The following ROBO2 variants were observed in gnomAD, a reference collection of about 807,000 sequenced individuals.
ROBO2 encodes the protein roundabout guidance receptor 2.
Under a neutral mutation model 160.8 loss-of-function variants are expected in ROBO2, and 53 were observed. The ratio of observed to expected loss-of-function variants is 0.33; its 90% CI spans 0.26 to 0.41. The LOEUF is 0.41. ROBO2 is among the 10% of genes least tolerant of loss of function. The pLI is 1.00. For missense variants in ROBO2, 1,577 were observed against 1,722.4 expected, an observed-to-expected ratio of 0.92 and a Z score of 1.49; for synonymous variants, 664 against 611.7, an observed-to-expected ratio of 1.09 and a Z score of -1.26.
intron 2 of ROBO2, among the ~76,000 whole-genome samples, chr3:76,946,296 T>G (rs1053380273): frequency 2.0e-5 from 3 of 152,154 alleles, no homozygotes; most frequent in Admixed American, 2.0e-4. Context: ...TTTAATCCAT[T>G]TAGGTGGTTC....
chr3:76,260,884 A>G (rs181509461), intron 2 of ROBO2, among the ~76,000 whole-genome samples: 38 of 152,234 alleles, frequency 2.5e-4, no homozygotes, highest in African/African-American at 8.9e-4. Flanking sequence ...CACTAGAAAG[A>G]ATCTCATACT....
intron 2 of ROBO2, among the ~76,000 whole-genome samples, chr3:77,404,294 C>T (rs2076080664): frequency 6.6e-6 from 1 of 152,132 alleles, no homozygotes; most frequent in Non-Finnish European, 1.5e-5. Context: ...GCAAAATCAT[C>T]TCTTAGTTGT....
intron 2 of ROBO2, among the ~76,000 whole-genome samples, chr3:76,269,588 A>G (rs1576185663): frequency 7.1e-5 from 2 of 28,230 alleles, no homozygotes; most frequent in Non-Finnish European, 1.2e-4. Context: ...TGGTTAAATG[A>G]AAAAAAAAAA....
At chr3:76,998,627 G>T (rs1446145106) in intron 2 of ROBO2, among the ~76,000 whole-genome samples, 1 of 152,126 alleles carries the variant, frequency 6.6e-6, no homozygotes, top group Non-Finnish European at 1.5e-5. Context: ...AAACAAAATG[G>T]TATTTCCTTT....
intron 1 of ROBO2, among the ~76,000 whole-genome samples, chr3:75,912,125 G>C (rs1946622998): frequency 6.6e-6 from 1 of 152,082 alleles, no homozygotes; most frequent in African/African-American, 2.4e-5. Context: ...AATCATTAAA[G>C]TATAGAAAAC....
intron 1 of ROBO2, among the ~76,000 whole-genome samples, chr3:77,078,925 T>C (rs1185678513): frequency 6.6e-6 from 1 of 152,158 alleles, no homozygotes; most frequent in African/African-American, 2.4e-5. Flanking sequence ...AAATAGGTTC[T>C]ATATTTAATT....
At chr3:75,921,495 T>G (rs1947050064) in intron 1 of ROBO2, among the ~76,000 whole-genome samples, 1 of 152,146 alleles carries the variant, frequency 6.6e-6, no homozygotes, top group African/African-American at 2.4e-5. Flanking sequence ...CACACACAGT[T>G]TTCTATTTGT....
chr3:77,474,022 A>G (rs569402584), intron 2 of ROBO2, among the ~76,000 whole-genome samples: 1 of 152,064 alleles, frequency 6.6e-6, no homozygotes, highest in Non-Finnish European at 1.5e-5. Flanking sequence ...GGACCTACCA[A>G]AGAAGAAAAC....
intron 2 of ROBO2, among the ~76,000 whole-genome samples, chr3:76,830,811 TAAA>T (rs10666160): frequency 7.5e-6 from 1 of 132,554 alleles, no homozygotes; most frequent in Non-Finnish European, 1.6e-5. Flanking sequence ...ACCTCATTTC[TAAA>T]AAAAAAAAAA....
rs5850251 is a variant in ROBO2, at chr3:76,340,085, C to CAAA, written c.109+402493_109+402495dup. 8.9e-3 allele frequency among the ~76,000 whole-genome samples: 1,283 copies of CAAA among 144,420 alleles called. 13 individuals carry two copies. Among genetic ancestry groups the CAAA allele is most frequent in the Middle Eastern group, 0.021 (6 of 282 alleles). The allele number at this position is 144,420 out of a possible 152,430, so 94.7% of individuals were successfully genotyped here. A position where few individuals can be genotyped will look rare whatever the true frequency, so the allele number is the denominator to read the frequency against. On this transcript the variant is annotated intron_variant, in intron 2 of 26. Transcript: ENST00000487694. ...AATCCTAACAAAAATGAACCAATTG[C>CAAA]AAAAAAAAAAAACTTAGAAAATTAA...
chr3:77,546,234 C>T (rs1192696763), intron 6 of ROBO2, 104 bp from the exon 8 acceptor site: 2 of 1,224,790 alleles, frequency 1.6e-6, no homozygotes, highest in East Asian at 4.7e-5. Context: ...ACTGTAGTCT[C>T]TCTCTGGCAC....
chr3:76,566,731 A>C (rs948995437), intron 2 of ROBO2, among the ~76,000 whole-genome samples: 2 of 152,128 alleles, frequency 1.3e-5, no homozygotes, highest in African/African-American at 4.8e-5. Context: ...AGAAGGGTGG[A>C]GAGGAAGAGA....
chr3:76,458,935 A>G (rs554386571), intron 2 of ROBO2, among the ~76,000 whole-genome samples: 60 of 152,296 alleles, frequency 3.9e-4, no homozygotes, highest in African/African-American at 1.3e-3. Flanking sequence ...ATACAATTCA[A>G]GTTTAGGTTT....
At chr3:76,747,383 T>G (rs2108157065) in intron 2 of ROBO2, among the ~76,000 whole-genome samples, 1 of 152,242 alleles carries the variant, frequency 6.6e-6, no homozygotes, top group East Asian at 1.9e-4. Flanking sequence ...TATACTTATC[T>G]TTCATAGAAT....
At chr3:76,382,476 A>G (rs1376818456) in intron 2 of ROBO2, among the ~76,000 whole-genome samples, 2 of 152,230 alleles carry the variant, frequency 1.3e-5, no homozygotes, top group Middle Eastern at 3.4e-3. Flanking sequence ...AGTCCCAGCT[A>G]CTCGGGAGGC....
intron 2 of ROBO2, among the ~76,000 whole-genome samples, chr3:77,418,716 T>C (rs62249798): frequency 0.077 from 11,689 of 152,094 alleles, 531 homozygotes; most frequent in African/African-American, 0.099. Context: ...AGTAATATGA[T>C]GGAGAGAGAC....
At chr3:77,326,794 G>GAACT (rs1328931448) in intron 2 of ROBO2, among the ~76,000 whole-genome samples, 4 of 152,202 alleles carry the variant, frequency 2.6e-5, no homozygotes, top group Non-Finnish European at 4.4e-5. Context: ...TCAGGGATAA[G>GAACT]AACTAACACA....
chr3:75,965,658 A>G (rs1392652471), intron 2 of ROBO2, among the ~76,000 whole-genome samples: 2 of 22,568 alleles, frequency 8.9e-5, no homozygotes, highest in Admixed American at 1.3e-3. Context: ...AATATTTTAT[A>G]TATATTGTAT....
chr3:77,167,347 T>C (rs2079189544), intron 2 of ROBO2, among the ~76,000 whole-genome samples: 1 of 152,194 alleles, frequency 6.6e-6, no homozygotes, highest in African/African-American at 2.4e-5. Flanking sequence ...CAGAACATTC[T>C]GTGTAGAAAA....
Sources: allele counts gnomAD v4.1 joint callset (sites outside exome capture counted in the v4.1 genomes callset), GRCh38; gene constraint gnomAD v4.1.1; transcripts MANE v1.5; gene names NCBI Gene and HGNC (gene_info 2026-07-23, HGNC 2026-07-21).